Variants in VPS13C observed in about 807,000 individuals in gnomAD.
VPS13C encodes intermembrane lipid transfer protein VPS13C.
A neutral mutation model predicts 456.8 loss-of-function variants in VPS13C; 358 were observed. That is an observed-to-expected ratio of 0.78 (90% CI 0.72 to 0.86). The LOEUF (loss-of-function observed/expected upper bound fraction) is 0.86, where lower values mean the gene tolerates loss of function less well. Ranked by LOEUF, VPS13C falls within the 40% of genes least tolerant of loss-of-function variation. The pLI is 0.00. For missense variants in VPS13C, 4,818 were observed against 4,385.4 expected (o/e 1.10, Z -2.79); for synonymous variants, 1,578 against 1,486.7 (o/e 1.06, Z -1.41).
chr15:61,855,888 G>A (rs1403907771), intron 83 of VPS13C, among the ~76,000 whole-genome samples: 3 of 151,832 alleles, frequency 2.0e-5, no homozygotes, highest in Non-Finnish European at 4.4e-5. Context: ...ACAAAATGAT[G>A]GGAGAAAAGA....
intron 82 of VPS13C, among the ~76,000 whole-genome samples, chr15:61,861,794 T>C (rs1894240146): frequency 1.3e-5 from 2 of 152,172 alleles, no homozygotes; most frequent in South Asian, 4.1e-4. Flanking sequence ...ATCAAATACA[T>C]TCTTGTTAGA....
chr15:61,963,404 T>C (rs2045276555), intron 32 of VPS13C, among the ~76,000 whole-genome samples: 1 of 152,034 alleles, frequency 6.6e-6, no homozygotes, highest in South Asian at 2.1e-4. Context: ...GTCACCATTA[T>C]AAGATTGCTT....
At chr15:62,002,188 C>A (rs930404923) in intron 15 of VPS13C, among the ~76,000 whole-genome samples, 1 of 152,152 alleles carries the variant, frequency 6.6e-6, no homozygotes, top group African/African-American at 2.4e-5. Flanking sequence ...CTGTTGTTTC[C>A]TGACGTTTTA....
chr15:61,894,940 T>C (rs2042762523), intron 66 of VPS13C, among the ~76,000 whole-genome samples: 1 of 152,172 alleles, frequency 6.6e-6, no homozygotes, highest in Admixed American at 6.5e-5. Context: ...ATACACGTTC[T>C]TCTCATCTGC....
At chr15:62,023,627 A>G (rs1476247668) in intron 7 of VPS13C, 107 bp from the exon 8 acceptor site, 2 of 1,113,756 alleles carry the variant, frequency 1.8e-6, no homozygotes, top group Non-Finnish European at 2.6e-6. Flanking sequence ...ATTACAGCCA[A>G]TAGTGTCTTT....
At chr15:61,930,952 T>G (rs2140222463) in intron 50 of VPS13C, 138 bp downstream of exon 50, 3 of 944,082 alleles carry the variant, frequency 3.2e-6, no homozygotes, top group Non-Finnish European at 4.9e-6. Flanking sequence ...GCACTACTTC[T>G]TAATGCAATT....
chr15:61,919,090 T>C (rs2043564585), intron 58 of VPS13C, among the ~76,000 whole-genome samples, 199 bp downstream of exon 58: 1 of 152,110 alleles, frequency 6.6e-6, no homozygotes, highest in African/African-American at 2.4e-5. Context: ...ACTACAGACA[T>C]TTAAAATAAA....
intron 40 of VPS13C, among the ~76,000 whole-genome samples, chr15:61,950,697 T>C (rs1009490753): frequency 6.6e-6 from 1 of 151,932 alleles, no homozygotes; most frequent in Non-Finnish European, 1.5e-5. Flanking sequence ...TAGGAAAAAG[T>C]GCTAGATTAT....
intron 14 of VPS13C, among the ~76,000 whole-genome samples, chr15:62,008,203 C>T (rs2046917506): frequency 6.6e-6 from 1 of 152,064 alleles, no homozygotes; most frequent in South Asian, 2.1e-4. Flanking sequence ...CGCACCCCAG[C>T]CTGGGTGACA....
At chr15:61,883,058 C>T (rs1895991965) in intron 68 of VPS13C, among the ~76,000 whole-genome samples, 5 of 151,918 alleles carry the variant, frequency 3.3e-5, no homozygotes, top group African/African-American at 1.2e-4. Context: ...TTTGAAACGG[C>T]ATCTTGCTGT....
intron 66 of VPS13C, among the ~76,000 whole-genome samples, chr15:61,900,460 A>G (rs1407541558): frequency 2.0e-5 from 3 of 152,342 alleles, no homozygotes; most frequent in Non-Finnish European, 2.9e-5. Context: ...GTATTCTTAT[A>G]CACCAACAAC....
At chr15:61,987,699 A>G (rs1399603935) in intron 18 of VPS13C, among the ~76,000 whole-genome samples, 1 of 152,240 alleles carries the variant, frequency 6.6e-6, no homozygotes. Flanking sequence ...GTCGAGGAAC[A>G]TATCAAATCC....
At chr15:61,901,268 G>A (rs375962837) in intron 66 of VPS13C, among the ~76,000 whole-genome samples, 132 of 152,166 alleles carry the variant, frequency 8.7e-4, no homozygotes, top group African/African-American at 3.1e-3. Flanking sequence ...ATGGGATCTA[G>A]TTAAACTAAA....
chr15:62,012,322 G>A (rs766321323), intron 11 of VPS13C, among the ~76,000 whole-genome samples, 158 bp from the exon 12 acceptor site: 17 of 150,306 alleles, frequency 1.1e-4, no homozygotes, highest in Non-Finnish European at 1.8e-4. Context: ...AAAAATACAC[G>A]GAGCATTATT....
chr15:61,906,193 C>G (rs1246469206), intron 66 of VPS13C, among the ~76,000 whole-genome samples: 1 of 152,088 alleles, frequency 6.6e-6, no homozygotes, highest in Non-Finnish European at 1.5e-5. Flanking sequence ...TCCACTTGGG[C>G]CTAAGCAGAA....
intron 9 of VPS13C, 34 bp from the exon 10 acceptor site, chr15:62,014,026 G>C: frequency 1.3e-6 from 2 of 1,536,586 alleles, no homozygotes; most frequent in Non-Finnish European, 8.9e-7. Flanking sequence ...GTGAAACGTG[G>C]TATGGATGTC....
chr15:61,964,824 T>A lies in VPS13C; in HGVS notation c.3089A>T (p.Gln1030Leu). The change falls in exon 31 of 85, where the codon CAA becomes CTA. Residue 1030 changes from glutamine (Q) to leucine (L), a missense_variant. This residue lies in a region of VPS13C where 4,552 missense variants were observed against 4,130.6 expected (regional missense o/e 1.10). Coordinates refer to ENST00000644861, the MANE Select transcript of VPS13C (RefSeq NM_020821.3). Reference protein sequence around the residue: ...FSSLNLLLQTQALVASINYLT... With the variant: ...FSSLNLLLQTLALVASINYLT... ...GTAATTAATAGAAGCGACAAGAGCTTGTGTTTGCAGCAACAGATTTAAAGA... is the reference window on the plus strand; with the variant it reads ...GTAATTAATAGAAGCGACAAGAGCTAGTGTTTGCAGCAACAGATTTAAAGA... The A allele has an allele frequency of 6.2e-7, 1 of 1,608,918 alleles. No individual in the cohort carries two copies. The highest frequency in any genetic ancestry group is 8.5e-7 in the Non-Finnish European group (1 of 1,178,156).
Position 61,856,391 on chromosome 15 carries a change from C to T in VPS13C, c.10971G>A (p.Lys3657=). The part of the protein sequence containing the change: ...MVTNRRVLCI[K]EVEILGLMCV... ...ACATAAGGCCCAGGATTTCAACTTC[C>T]TTTATACACAACACTCGCCTATTTT... The change falls in exon 83 of 85, where the codon AAG becomes AAA. Residue 3657 remains lysine, a synonymous_variant. Transcript: ENST00000644861. The T allele has an allele frequency of 6.2e-7, 1 of 1,612,864 alleles. No homozygotes were observed. Among genetic ancestry groups the T allele is most frequent in the Non-Finnish European group, 8.5e-7 (1 of 1,179,436 alleles).
intron 16 of VPS13C, among the ~76,000 whole-genome samples, chr15:61,994,747 A>G (rs535430523): frequency 1.3e-5 from 2 of 151,902 alleles, no homozygotes; most frequent in African/African-American, 4.8e-5. Flanking sequence ...GTGCCACCAC[A>G]CCCGGCTAAT....
Sources: allele counts gnomAD v4.1 joint callset (sites outside exome capture counted in the v4.1 genomes callset), GRCh38; gene constraint gnomAD v4.1.1; regional missense constraint gnomAD v4.1.1; transcripts MANE v1.5; gene names NCBI Gene and HGNC (gene_info 2026-07-23, HGNC 2026-07-21).